EPS15L1: variants seen among roughly 807,000 people sequenced by gnomAD.
The protein encoded by EPS15L1 is epidermal growth factor receptor pathway substrate 15 like 1, also known as epidermal growth factor receptor substrate 15-like 1.
In EPS15L1, 43 loss-of-function variants were observed where a neutral mutation model predicts 117.1. The observed-to-expected ratio is 0.37, with a 90% CI of 0.29 to 0.47. The LOEUF (loss-of-function observed/expected upper bound fraction) is 0.47. EPS15L1 is among the 20% of genes least tolerant of loss of function. The pLI, the probability that EPS15L1 is intolerant of heterozygous loss-of-function variation, is 0.99. For synonymous variants in EPS15L1, 459 were observed against 470.5 expected (o/e 0.98, Z 0.32); for missense variants, 981 against 1,164.0 (o/e 0.84, Z 2.29).
chr19:16,401,023 G>A, intron 16 of EPS15L1: 1 of 985,442 alleles, frequency 1.0e-6, no homozygotes, highest in East Asian at 1.1e-4. Flanking sequence ...CACACGCCAA[G>A]AACAGCCAGG....
At chr19:16,401,304 ACTTG>A in intron 16 of EPS15L1, 1 of 985,358 alleles carries the variant, frequency 1.0e-6, no homozygotes. Flanking sequence ...GGGACTGAGG[ACTTG>A]GCTGCTGAGA....
At chr19:16,423,128 TC>T (rs1386375474) in intron 9 of EPS15L1, among the ~76,000 whole-genome samples, 1 of 152,164 alleles carries the variant, frequency 6.6e-6, no homozygotes, top group African/African-American at 2.4e-5. Flanking sequence ...TCTAACAGGC[TC>T]CTGATACCAA....
chr19:16,422,142 C>G (rs2092820463), intron 9 of EPS15L1, among the ~76,000 whole-genome samples: 1 of 152,262 alleles, frequency 6.6e-6, no homozygotes, highest in East Asian at 1.9e-4. Flanking sequence ...CAGTGCAGCT[C>G]AAAGTTCACA....
intron 16 of EPS15L1, chr19:16,401,551 G>C: frequency 5.1e-6 from 5 of 985,642 alleles, no homozygotes; most frequent in Non-Finnish European, 6.0e-6. Flanking sequence ...ATCCGCTCCC[G>C]GAACAGCACC....
intron 23 of EPS15L1, 25 bp from the exon 24 acceptor site, chr19:16,355,876 G>A: frequency 6.5e-7 from 1 of 1,533,236 alleles, no homozygotes. Flanking sequence ...CGGAGAGTGG[G>A]TGATGTGGCC....
intron 21 of EPS15L1, among the ~76,000 whole-genome samples, chr19:16,380,325 CACAG>C (rs1465029003): frequency 1.3e-5 from 2 of 152,306 alleles, no homozygotes; most frequent in East Asian, 3.9e-4. Flanking sequence ...CGTCTAATCA[CACAG>C]ACGTGGTCAT....
intron 22 of EPS15L1, among the ~76,000 whole-genome samples, chr19:16,372,845 C>T (rs552906890): frequency 7.2e-5 from 11 of 152,322 alleles, no homozygotes; most frequent in African/African-American, 2.4e-4. Context: ...TCCCTTTCCT[C>T]CAATGTCCAG....
At chr19:16,397,075 G>A (rs1370727754) in intron 16 of EPS15L1, among the ~76,000 whole-genome samples, 2 of 152,052 alleles carry the variant, frequency 1.3e-5, no homozygotes, top group African/African-American at 4.8e-5. Context: ...TCAAGTTTAT[G>A]TCTATTTTTC....
intron 16 of EPS15L1, chr19:16,400,582 A>G: frequency 1.0e-6 from 1 of 955,018 alleles, no homozygotes; most frequent in Non-Finnish European, 1.2e-6. Context: ...AGGAGTAAAC[A>G]AAAATCTCTC....
intron 7 of EPS15L1, among the ~76,000 whole-genome samples, chr19:16,429,617 G>T (rs2092909904): frequency 1.3e-5 from 2 of 152,120 alleles, no homozygotes; most frequent in African/African-American, 4.8e-5. Flanking sequence ...TCCCAGTCTT[G>T]TCCCTATGGC....
At chr19:16,373,652 C>T (rs908007683) in intron 22 of EPS15L1, among the ~76,000 whole-genome samples, 1 of 152,136 alleles carries the variant, frequency 6.6e-6, no homozygotes, top group South Asian at 2.1e-4. Flanking sequence ...CTGGGCTGCA[C>T]GTGGGTCTGT....
chr19:16,459,980 A>G (rs140409155), intron 1 of EPS15L1, among the ~76,000 whole-genome samples: 59 of 152,352 alleles, frequency 3.9e-4, no homozygotes, highest in Non-Finnish European at 7.4e-4. Context: ...CATCTAGGAT[A>G]GAACAATATT....
rs1013102746 is a variant in EPS15L1, at chr19:16,404,994, C to T, written c.1267-245G>A. 5.9e-5 allele frequency among the ~76,000 whole-genome samples: 9 copies of T among 152,202 alleles called. No homozygotes were observed. The highest frequency in any genetic ancestry group is 1.2e-4 in the Non-Finnish European group (8 of 68,044). The stretch of plus-strand genomic sequence containing the variant: ...CCGATGGCCTAACAGAGGCCAGGTG[C>T]GAGAGAAGGGGCTGGGTCCCTGTGA... On this transcript the variant is annotated intron_variant, in intron 13 of 23. Transcript: ENST00000455140. The surrounding 1 kb of genome is among the most constrained non-coding windows in gnomAD (Gnocchi z 4.2).
At chr19:16,376,664 C>T (rs188234557) in intron 22 of EPS15L1, among the ~76,000 whole-genome samples, 2 of 152,362 alleles carry the variant, frequency 1.3e-5, no homozygotes, top group Admixed American at 1.3e-4. Context: ...GACCAAGCAG[C>T]GACTCCTGCC....
intron 1 of EPS15L1, among the ~76,000 whole-genome samples, chr19:16,450,774 C>T (rs1489782129): frequency 1.3e-5 from 2 of 151,632 alleles, no homozygotes; most frequent in African/African-American, 4.8e-5. Flanking sequence ...TGAGCCACCA[C>T]GCCTGGCCAG....
At chr19:16,364,493 G>A (rs913107376) in intron 22 of EPS15L1, among the ~76,000 whole-genome samples, 2 of 152,180 alleles carry the variant, frequency 1.3e-5, no homozygotes, top group Admixed American at 1.3e-4. Flanking sequence ...GGGCTGCAGA[G>A]AGCAGGGTGA....
At position 16,403,756 on chromosome 19, in the gene EPS15L1, A is replaced by T; in HGVS notation, c.1603T>A (p.Ser535Thr). 6.2e-7 allele frequency: 1 copy of T among 1,613,266 alleles called. No homozygotes were observed. The highest frequency in any genetic ancestry group is 8.5e-7 in the Non-Finnish European group (1 of 1,180,000). The part of the protein sequence containing the change: ...QLETIIKSLK[S>T]TQDEINQARS... ...ACCTGGTTGATTTCGTCTTGCGTTG[A>T]CTTCAGGGACTTGATGATGGTTTCC... is the stretch of plus-strand genomic sequence containing the variant. Residue 535 changes from serine (S) to threonine (T), a missense_variant, in exon 15 of 24, where the codon TCA (serine) becomes ACA (threonine). Ser to Thr is a moderately conservative substitution (Grantham distance 58). Transcript: ENST00000455140.
At chr19:16,461,882 C>A (rs1431396552) in intron 1 of EPS15L1, among the ~76,000 whole-genome samples, 1 of 152,200 alleles carries the variant, frequency 6.6e-6, no homozygotes, top group Admixed American at 6.5e-5. Flanking sequence ...GTCAACTACC[C>A]TCAAAGACAG....
chr19:16,416,744 G>C lies in EPS15L1; in HGVS notation c.1193+808C>G, dbSNP rs544330295. On this transcript the variant is annotated intron_variant, in intron 12 of 23. Coordinates refer to ENST00000455140, the MANE Select transcript of EPS15L1 (RefSeq NM_001258374.3). The stretch of plus-strand genomic sequence containing the variant: ...AAGCCTAGGAAACAGATGCTACAGT[G>C]AGCCATGATCACACCACTACGCTCC... Among the ~76,000 whole-genome samples the C allele has an allele frequency of 7.9e-5, 12 of 152,196 alleles. No individual in the cohort carries two copies. The South Asian group carries it at 2.5e-3, about 32-fold the overall frequency.
Sources: gnomAD v4.1 joint callset for allele counts (sites outside exome capture counted in the v4.1 genomes callset) on GRCh38, gnomAD v4.1.1 for gene constraint, Gnocchi (gnomAD v3.1) non-coding constraint, MANE v1.5 for transcripts, NCBI Gene and HGNC (gene_info 2026-07-23, HGNC 2026-07-21) for gene names.